The following EEF1E1 variants were observed in gnomAD, a reference collection of about 807,000 sequenced individuals.
The protein encoded by EEF1E1 is eukaryotic translation elongation factor 1 epsilon 1, also known as eukaryotic translation elongation factor 1 epsilon-1.
EEF1E1 carries 19 observed loss-of-function variants against 19.9 expected under a neutral mutation model. That is an observed-to-expected ratio of 0.95 (90% CI 0.66 to 1.40). The LOEUF is 1.40. EEF1E1 is among the 40% of genes most tolerant of loss of function. The pLI, the probability that EEF1E1 is intolerant of heterozygous loss-of-function variation, is 0.00. For synonymous variants in EEF1E1, 81 were observed against 80.0 expected (o/e 1.01, Z -0.07); for missense variants, 198 against 202.2 (o/e 0.98, Z 0.13).
chr6:8,095,168 T>C (rs1254449620), intron 2 of EEF1E1, among the ~76,000 whole-genome samples: 1 of 152,096 alleles, frequency 6.6e-6, no homozygotes, highest in Non-Finnish European at 1.5e-5. Flanking sequence ...TACTTGTTGA[T>C]GTAAAAAGGT....
chr6:8,087,674 A>C (rs1654679287), intron 3 of EEF1E1, among the ~76,000 whole-genome samples: 1 of 152,202 alleles, frequency 6.6e-6, no homozygotes, highest in African/African-American at 2.4e-5. Flanking sequence ...TTTGAGAAAG[A>C]AAAAGACACG....
At chr6:8,090,471 T>C (rs1757986538) in intron 2 of EEF1E1, among the ~76,000 whole-genome samples, 190 bp from the exon 3 acceptor site, 1 of 152,184 alleles carries the variant, frequency 6.6e-6, no homozygotes, top group African/African-American at 2.4e-5. Flanking sequence ...TTAAAAAAAT[T>C]GGCTAAACAT....
intron 3 of EEF1E1, among the ~76,000 whole-genome samples, chr6:8,088,854 G>A (rs1357954956): frequency 4.6e-5 from 7 of 152,058 alleles, no homozygotes; most frequent in South Asian, 2.1e-4. Flanking sequence ...GAATAATGGA[G>A]GAAGGCTCGG....
At chr6:8,076,065 T>C (rs1057220319), downstream of EEF1E1, among the ~76,000 whole-genome samples, 2 of 152,166 alleles carry the variant, frequency 1.3e-5, no homozygotes, top group Non-Finnish European at 2.9e-5. Flanking sequence ...TCTCTTGTTA[T>C]TTCCACCACA....
chr6:8,080,218 C>T (rs911707517), intron 3 of EEF1E1, among the ~76,000 whole-genome samples, 188 bp from the exon 4 acceptor site: 3 of 152,108 alleles, frequency 2.0e-5, no homozygotes, highest in Non-Finnish European at 2.9e-5. Flanking sequence ...AAAGGTTCTT[C>T]GTGTTCAATG....
rs3031799 is a variant in EEF1E1 at position 8,099,791 on chromosome 6, C to CAAA, written c.88-2327_88-2325dup. Among the ~76,000 whole-genome samples the CAAA allele has an allele frequency of 4.5e-4, 52 of 114,648 alleles. 2 individuals are homozygous for CAAA. Among genetic ancestry groups the CAAA allele is most frequent in the Non-Finnish European group, 2.4e-4 (13 of 55,092 alleles). The allele number at this position is 114,648 out of a possible 152,430, so 75.2% of individuals were successfully genotyped here. ...ACACACACACACACACACACACACA[C>CAAA]AAAAAAAAAACAGAACCCTCTATAA... On this transcript the variant is annotated intron_variant, in intron 1 of 3. Transcript: ENST00000379715.
intron 3 of EEF1E1, among the ~76,000 whole-genome samples, chr6:8,085,826 C>T (rs1044239504): frequency 5.3e-5 from 8 of 152,176 alleles, no homozygotes; most frequent in Admixed American, 6.5e-5. Flanking sequence ...ACTTATCTGC[C>T]TCATGCATTA....
In EEF1E1 at chr6:8,089,511, C is replaced by T. The variant is rs139297545; in HGVS notation, c.384+675G>A. ...GAAAGCATCCAGCACGGGAGAAAGA[C>T]GTAGGCTGGGAGGCTAAGCCAGTCT... On this transcript the variant is annotated intron_variant, in intron 3 of 3. Transcript: ENST00000379715. 1.0e-3 allele frequency among the ~76,000 whole-genome samples: 158 copies of T among 152,270 alleles called. 1 individual carries two copies. Among genetic ancestry groups the T allele is most frequent in the African/African-American group, 3.5e-3 (147 of 41,558 alleles).
At chr6:8,091,123 CA>C (rs1758001276) in intron 2 of EEF1E1, among the ~76,000 whole-genome samples, 1 of 152,176 alleles carries the variant, frequency 6.6e-6, no homozygotes, top group Admixed American at 6.5e-5. Context: ...ATAGCAGTTG[CA>C]CATTTTACAT....
chr6:8,101,381 AG>A (rs1337493804), intron 1 of EEF1E1, among the ~76,000 whole-genome samples: 1 of 147,902 alleles, frequency 6.8e-6, no homozygotes, highest in East Asian at 2.0e-4. Context: ...ACACTAAGCT[AG>A]GGAGTAGGGG....
At chr6:8,090,829 T>C (rs991774334) in intron 2 of EEF1E1, among the ~76,000 whole-genome samples, 4 of 152,250 alleles carry the variant, frequency 2.6e-5, no homozygotes, top group African/African-American at 9.6e-5. Flanking sequence ...TTTCACTGAA[T>C]GTAAAGTTCC....
chr6:8,073,520 G>A, intron 3 of EEF1E1: 3 of 1,551,448 alleles, frequency 1.9e-6, no homozygotes, highest in Non-Finnish European at 2.6e-6. Context: ...TCTGCAAAAG[G>A]GGATAAAAAA....
chr6:8,081,331 T>TGA (rs1419641208), intron 3 of EEF1E1, among the ~76,000 whole-genome samples: 1 of 152,234 alleles, frequency 6.6e-6, no homozygotes, highest in Non-Finnish European at 1.5e-5. Context: ...ACCTATAACA[T>TGA]AGTCAGTCCA....
At chr6:8,092,868 GCTTTTTTTT>G (rs1758053931) in intron 2 of EEF1E1, among the ~76,000 whole-genome samples, 1 of 108,202 alleles carries the variant, frequency 9.2e-6, no homozygotes, top group South Asian at 2.9e-4. Flanking sequence ...GATAAAGACT[GCTTTTTTTT>G]TTTTTTTTTT....
intron 1 of EEF1E1, among the ~76,000 whole-genome samples, chr6:8,098,292 G>C (rs1477918759): frequency 1.3e-5 from 2 of 151,474 alleles, no homozygotes; most frequent in Admixed American, 1.3e-4. Context: ...GAAGTTTTTT[G>C]TATTTTTAGT....
downstream of EEF1E1, among the ~76,000 whole-genome samples, chr6:8,077,030 G>A (rs1046822263): frequency 1.4e-4 from 21 of 147,688 alleles, no homozygotes; most frequent in African/African-American, 4.5e-4. Context: ...TGCAAGCTCC[G>A]CCTCCCGGGT....
At chr6:8,078,405 C>A (rs1288271566), downstream of EEF1E1, 4 of 176,064 alleles carry the variant, frequency 2.3e-5, no homozygotes, top group East Asian at 1.8e-4. Context: ...GCTTGTGGCA[C>A]CCCAAAAATA....
chr6:8,074,851 T>C (rs1188720574), downstream of EEF1E1, among the ~76,000 whole-genome samples: 3 of 152,178 alleles, frequency 2.0e-5, no homozygotes, highest in African/African-American at 7.2e-5. Flanking sequence ...TCCATCAATG[T>C]TGTGCACAAT....
intron 3 of EEF1E1, among the ~76,000 whole-genome samples, chr6:8,089,456 A>C (rs1485468067): frequency 6.6e-6 from 1 of 152,174 alleles, no homozygotes; most frequent in East Asian, 1.9e-4. Context: ...TCCAAAACTG[A>C]AGAACTTGGG....
Sources: gnomAD v4.1 joint callset for allele counts (sites outside exome capture counted in the v4.1 genomes callset) on GRCh38, gnomAD v4.1.1 for gene constraint, MANE v1.5 for transcripts, NCBI Gene and HGNC (gene_info 2026-07-23, HGNC 2026-07-21) for gene names.